Variants in VAT1L observed in about 807,000 individuals in gnomAD.
VAT1L encodes vesicle amine transport 1 like, also known as putative NADPH-dependent quinone oxidoreductase VAT1L.
In VAT1L, 34 loss-of-function variants were observed where a neutral mutation model predicts 44.1. The ratio of observed to expected loss-of-function variants is 0.77; its 90% CI spans 0.59 to 1.03. The LOEUF (loss-of-function observed/expected upper bound fraction) is 1.03. Among genes scored for constraint, VAT1L ranks in the 50% least tolerant of loss-of-function variants. The pLI is 0.00. For missense variants in VAT1L, 615 were observed against 538.8 expected, an observed-to-expected ratio of 1.14 and a Z score of -1.40; for synonymous variants, 253 against 202.2, an observed-to-expected ratio of 1.25 and a Z score of -2.13.
intron 7 of VAT1L, among the ~76,000 whole-genome samples, chr16:77,969,866 T>C (rs571355274): frequency 4.5e-4 from 69 of 152,004 alleles, no homozygotes; most frequent in African/African-American, 1.6e-3. Flanking sequence ...AAAAGGAATC[T>C]ACTGAATTAT....
At chr16:77,825,015 C>T (rs1318125296) in intron 2 of VAT1L, among the ~76,000 whole-genome samples, 4 of 151,556 alleles carry the variant, frequency 2.6e-5, no homozygotes, top group East Asian at 2.0e-4. Context: ...TACAGGCATG[C>T]GCCATCACGC....
intron 3 of VAT1L, among the ~76,000 whole-genome samples, chr16:77,859,354 C>T (rs1385217767): frequency 6.6e-6 from 1 of 152,048 alleles, no homozygotes; most frequent in East Asian, 1.9e-4. Flanking sequence ...TTGAGGGCTG[C>T]ACAATGCCAT....
intron 7 of VAT1L, among the ~76,000 whole-genome samples, chr16:77,919,181 T>C (rs957808928): frequency 6.6e-6 from 1 of 151,986 alleles, no homozygotes; most frequent in Admixed American, 6.5e-5. Flanking sequence ...TGCATGTGCA[T>C]GTGTGTGTGT....
At chr16:77,794,042 C>G (rs2015884201) in intron 1 of VAT1L, among the ~76,000 whole-genome samples, 1 of 152,120 alleles carries the variant, frequency 6.6e-6, no homozygotes, top group Admixed American at 6.5e-5. Flanking sequence ...AGTGGAAGAG[C>G]CATGTGAACA....
At chr16:77,847,843 A>G (rs2016772411) in intron 3 of VAT1L, among the ~76,000 whole-genome samples, 2 of 152,228 alleles carry the variant, frequency 1.3e-5, no homozygotes, top group African/African-American at 4.8e-5. Flanking sequence ...TTATCAGTCA[A>G]GTATGCTACC....
chr16:77,798,583 G>A (rs1555510811), intron 1 of VAT1L, among the ~76,000 whole-genome samples: 1 of 152,092 alleles, frequency 6.6e-6, no homozygotes, highest in Non-Finnish European at 1.5e-5. Context: ...ATTAATGGTG[G>A]GGAGGAGGTA....
intron 7 of VAT1L, among the ~76,000 whole-genome samples, chr16:77,957,200 T>C (rs1405199815): frequency 6.6e-6 from 1 of 152,220 alleles, no homozygotes; most frequent in Non-Finnish European, 1.5e-5. Context: ...TTGGAATTCT[T>C]AAATTTTTAG....
chr16:77,835,550 G>C (rs1365856841), intron 3 of VAT1L, among the ~76,000 whole-genome samples: 2 of 152,168 alleles, frequency 1.3e-5, no homozygotes, highest in Non-Finnish European at 2.9e-5. Flanking sequence ...ACTTTTGTCA[G>C]TCAAGTACTG....
intron 4 of VAT1L, 151 bp from the exon 5 acceptor site, chr16:77,876,219 C>A: frequency 3.1e-6 from 2 of 637,748 alleles, no homozygotes; most frequent in Non-Finnish European, 5.5e-6. Context: ...ACATATCCAC[C>A]TCCTGGGCTT....
chr16:77,835,933 A>G lies in VAT1L; in HGVS notation c.579+10472A>G, dbSNP rs117475550. Among the ~76,000 whole-genome samples, 97 of 152,176 alleles carry G rather than the reference A, an allele frequency of 6.4e-4. No homozygotes were observed. In the East Asian group the frequency reaches 0.018, roughly 28 times the overall value. On this transcript the variant is annotated intron_variant, in intron 3 of 8. Transcript: ENST00000302536. ...CCTAAAATCCTCCCTGTTGAATAGT[A>G]TGTGACAGAGAAGAGAACAGAGTAT...
chr16:77,938,814 G>C (rs1415092707), intron 7 of VAT1L, among the ~76,000 whole-genome samples: 1 of 152,088 alleles, frequency 6.6e-6, no homozygotes, highest in Non-Finnish European at 1.5e-5. Context: ...AGCAAAAATA[G>C]GTGAGTGAGG....
At chr16:77,928,108 T>C (rs1178938180) in intron 7 of VAT1L, among the ~76,000 whole-genome samples, 2 of 152,108 alleles carry the variant, frequency 1.3e-5, no homozygotes, top group African/African-American at 4.8e-5. Flanking sequence ...GCAGGCCTTA[T>C]TGACAAAGTC....
At chr16:77,802,898 C>G (rs959327286) in intron 1 of VAT1L, among the ~76,000 whole-genome samples, 1 of 152,094 alleles carries the variant, frequency 6.6e-6, no homozygotes, top group Non-Finnish European at 1.5e-5. Flanking sequence ...GCGCATCAAT[C>G]AAGCAGGCCT....
chr16:77,873,022 A>T (rs188636533), intron 4 of VAT1L, among the ~76,000 whole-genome samples: 1 of 152,192 alleles, frequency 6.6e-6, no homozygotes, highest in East Asian at 1.9e-4. Flanking sequence ...CTTTGATCAA[A>T]TGTAATCAGA....
At chr16:77,944,104 A>T (rs1031799264) in intron 7 of VAT1L, among the ~76,000 whole-genome samples, 1 of 152,088 alleles carries the variant, frequency 6.6e-6, no homozygotes, top group African/African-American at 2.4e-5. Flanking sequence ...GATTCTCACA[A>T]CTGGAAAAGT....
At chr16:77,937,967 A>G (rs1054726418) in intron 7 of VAT1L, among the ~76,000 whole-genome samples, 2 of 152,238 alleles carry the variant, frequency 1.3e-5, no homozygotes, top group African/African-American at 4.8e-5. Context: ...AAGAACTGGG[A>G]AAACGTGTTT....
intron 7 of VAT1L, among the ~76,000 whole-genome samples, chr16:77,954,593 C>A (rs1334249979): frequency 6.6e-6 from 1 of 152,106 alleles, no homozygotes; most frequent in Non-Finnish European, 1.5e-5. Flanking sequence ...CCACTGTAGT[C>A]CAGCCTGGGC....
chr16:77,921,012 G>C (rs146794680), intron 7 of VAT1L, among the ~76,000 whole-genome samples: 2 of 152,028 alleles, frequency 1.3e-5, no homozygotes, highest in Admixed American at 1.3e-4. Context: ...TTCATCAGAA[G>C]TTAACACAAA....
At chr16:77,951,129 C>A (rs2018037359) in intron 7 of VAT1L, among the ~76,000 whole-genome samples, 1 of 152,222 alleles carries the variant, frequency 6.6e-6, no homozygotes. Context: ...ACGTTGGCTG[C>A]ACTGGCTGTT....
Sources: gnomAD v4.1 joint callset for allele counts (sites outside exome capture counted in the v4.1 genomes callset) on GRCh38, gnomAD v4.1.1 for gene constraint, MANE v1.5 for transcripts, NCBI Gene and HGNC (gene_info 2026-07-23, HGNC 2026-07-21) for gene names.